AKAP6: variants seen among roughly 807,000 people sequenced by gnomAD.
The protein encoded by AKAP6 is A-kinase anchor protein 6.
Under a neutral mutation model 188.5 loss-of-function variants are expected in AKAP6, and 58 were observed. That is an observed-to-expected ratio of 0.31 (90% CI 0.25 to 0.38). AKAP6 has a LOEUF of 0.38. Ranked by LOEUF, AKAP6 falls within the 10% of genes least tolerant of loss-of-function variation. The pLI is 1.00. For missense variants in AKAP6, 2,710 were observed against 2,740.0 expected, an observed-to-expected ratio of 0.99 and a Z score of 0.24; for synonymous variants, 989 against 998.6, an observed-to-expected ratio of 0.99 and a Z score of 0.18.
At chr14:32,433,845 G>T (rs372381001) in intron 2 of AKAP6, 28 bp downstream of exon 2, 1 of 1,585,876 alleles carries the variant, frequency 6.3e-7, no homozygotes, top group African/African-American at 1.3e-5. Context: ...ATCCTCTCAG[G>T]ATAGAAGTTT....
At chr14:32,683,031 T>A (rs1328407146) in intron 8 of AKAP6, among the ~76,000 whole-genome samples, 1 of 149,456 alleles carries the variant, frequency 6.7e-6, no homozygotes, top group Non-Finnish European at 1.5e-5. Flanking sequence ...CCTTGCTCTG[T>A]CGCCCAGGCT....
intron 2 of AKAP6, among the ~76,000 whole-genome samples, chr14:32,449,029 G>A (rs1757533096): frequency 6.6e-6 from 1 of 152,160 alleles, no homozygotes; most frequent in African/African-American, 2.4e-5. Context: ...CTTTGGGGAA[G>A]CTCTCATTCC....
In AKAP6 at chr14:32,716,162, G is replaced by A. The variant is rs559429346; in HGVS notation, c.3001-16292G>A. On this transcript the variant is annotated intron_variant, in intron 9 of 13. Transcript: ENST00000280979. ...ATTTTTTTAATTTTCTTAATCAATA[G>A]CCTTTTATCTCATTGATTTACAAAT... Among the ~76,000 whole-genome samples, 5 of 151,872 alleles carry A rather than the reference G, an allele frequency of 3.3e-5. No homozygotes were observed. The East Asian group carries it at 7.7e-4, about 24-fold the overall frequency.
intron 12 of AKAP6, among the ~76,000 whole-genome samples, chr14:32,818,589 T>C (rs763798498): frequency 1.6e-4 from 24 of 152,132 alleles, no homozygotes; most frequent in Non-Finnish European, 3.1e-4. Flanking sequence ...TTGGAACCCA[T>C]GGATATGGAG....
At chr14:32,405,209 C>CAT (rs1239013597) in intron 1 of AKAP6, among the ~76,000 whole-genome samples, 8 of 152,184 alleles carry the variant, frequency 5.3e-5, no homozygotes, top group African/African-American at 1.7e-4. Context: ...ATACTTTATT[C>CAT]ATATTCTCCT....
intron 2 of AKAP6, among the ~76,000 whole-genome samples, chr14:32,462,923 A>AAT (rs1891394744): frequency 6.7e-6 from 1 of 148,390 alleles, no homozygotes; most frequent in African/African-American, 2.5e-5. Flanking sequence ...AAAAAAAAAA[A>AAT]AAACCCGGGG....
chr14:32,809,968 G>A (rs1282191249), intron 12 of AKAP6, among the ~76,000 whole-genome samples: 1 of 152,164 alleles, frequency 6.6e-6, no homozygotes, highest in African/African-American at 2.4e-5. Context: ...CCAAGCTTTA[G>A]GTAGTGCAAA....
chr14:32,701,166 G>A (rs1239483382), intron 9 of AKAP6, among the ~76,000 whole-genome samples: 1 of 151,616 alleles, frequency 6.6e-6, no homozygotes, highest in Non-Finnish European at 1.5e-5. Context: ...ATGAATTTGG[G>A]GTTATTTATA....
intron 2 of AKAP6, among the ~76,000 whole-genome samples, chr14:32,527,555 A>G (rs756641319): frequency 6.6e-6 from 1 of 152,220 alleles, no homozygotes; most frequent in Non-Finnish European, 1.5e-5. Flanking sequence ...TCCCACTACA[A>G]TGAATGAGAG....
intron 12 of AKAP6, among the ~76,000 whole-genome samples, chr14:32,800,412 AG>A (rs2033915425): frequency 6.6e-6 from 1 of 151,760 alleles, no homozygotes; most frequent in Non-Finnish European, 1.5e-5. Context: ...AAAAAGAAAA[AG>A]AAAAAAGCAA....
intron 7 of AKAP6, among the ~76,000 whole-genome samples, chr14:32,633,695 TCA>T (rs1887371785): frequency 6.6e-6 from 1 of 152,068 alleles, no homozygotes; most frequent in Non-Finnish European, 1.5e-5. Context: ...CGCAACCCAC[TCA>T]CAGCCATCCT....
At chr14:32,390,181 C>T (rs1031408684) in intron 1 of AKAP6, among the ~76,000 whole-genome samples, 2 of 152,026 alleles carry the variant, frequency 1.3e-5, no homozygotes, top group East Asian at 3.9e-4. Context: ...GAAGTGTGTC[C>T]ATTGTTTCCT....
intron 8 of AKAP6, among the ~76,000 whole-genome samples, chr14:32,687,400 A>ATCTCTCTCTCTCTCCCTCTCTC (rs1889970882): frequency 7.8e-6 from 1 of 128,978 alleles, no homozygotes; most frequent in Non-Finnish European, 1.7e-5. Flanking sequence ...CATACTAACT[A>ATCTCTCTCTCTCTCCCTCTCTC]TCTCTCTCTC....
chr14:32,330,049 C>T (rs189065085), intron 1 of AKAP6, among the ~76,000 whole-genome samples: 38 of 152,184 alleles, frequency 2.5e-4, no homozygotes, highest in African/African-American at 8.2e-4. Flanking sequence ...TGAAAGACTG[C>T]CACATATTTT....
intron 2 of AKAP6, among the ~76,000 whole-genome samples, chr14:32,511,916 A>C (rs1488053706): frequency 6.6e-6 from 1 of 152,198 alleles, no homozygotes; most frequent in Non-Finnish European, 1.5e-5. Context: ...GTAAAGTATA[A>C]ATCATAGAGA....
chr14:32,775,050 G>A (rs557958140), intron 12 of AKAP6, among the ~76,000 whole-genome samples: 1 of 152,124 alleles, frequency 6.6e-6, no homozygotes, highest in African/African-American at 2.4e-5. Flanking sequence ...CTGTTTAATT[G>A]TTTTAAGCTG....
At chr14:32,608,003 T>C (rs1456461391) in intron 7 of AKAP6, among the ~76,000 whole-genome samples, 1 of 152,208 alleles carries the variant, frequency 6.6e-6, no homozygotes, top group Non-Finnish European at 1.5e-5. Context: ...GTGTGGTTAC[T>C]AAGTTTGTTA....
At chr14:32,803,421 A>G (rs1387969116) in intron 12 of AKAP6, among the ~76,000 whole-genome samples, 5 of 152,086 alleles carry the variant, frequency 3.3e-5, no homozygotes, top group Non-Finnish European at 7.4e-5. Flanking sequence ...AATAATTTTT[A>G]TTTTCTTCTT....
intron 5 of AKAP6, among the ~76,000 whole-genome samples, chr14:32,590,880 C>A (rs1397712047): frequency 1.3e-5 from 2 of 152,144 alleles, no homozygotes; most frequent in African/African-American, 4.8e-5. Flanking sequence ...CTTGACATTA[C>A]AAAATTTATT....
Sources: allele counts gnomAD v4.1 joint callset (sites outside exome capture counted in the v4.1 genomes callset), GRCh38; gene constraint gnomAD v4.1.1; transcripts MANE v1.5; gene names NCBI Gene and HGNC (gene_info 2026-07-23, HGNC 2026-07-21).